JMJD1C: variants seen among roughly 807,000 people sequenced by gnomAD.
JMJD1C encodes jumonji domain-containing protein 1C.
Under a neutral mutation model 245.3 loss-of-function variants are expected in JMJD1C, and 31 were observed. That is an observed-to-expected ratio of 0.13 (90% CI 0.09 to 0.17). The LOEUF (loss-of-function observed/expected upper bound fraction) is 0.17. Ranked by LOEUF, JMJD1C falls within the 10% of genes least tolerant of loss-of-function variation. The pLI is 1.00. For missense variants in JMJD1C, 2,691 were observed against 3,000.2 expected (o/e 0.90, Z 2.41); for synonymous variants, 1,057 against 1,017.4 (o/e 1.04, Z -0.74).
At chr10:63,459,642 T>A (rs1033186224) in intron 1 of JMJD1C, among the ~76,000 whole-genome samples, 12 of 152,178 alleles carry the variant, frequency 7.9e-5, no homozygotes, top group African/African-American at 2.9e-4. Context: ...TCATCAGAGT[T>A]ATACAAAAAT....
chr10:63,356,305 G>A (rs1439433725), intron 2 of JMJD1C, among the ~76,000 whole-genome samples: 1 of 152,072 alleles, frequency 6.6e-6, no homozygotes, highest in Non-Finnish European at 1.5e-5. Context: ...ACTAAAAAGT[G>A]GGAGATACAG....
chr10:63,427,872 G>A (rs1390321394), intron 1 of JMJD1C: 2 of 812,902 alleles, frequency 2.5e-6, no homozygotes. Flanking sequence ...CAAAGGAGAT[G>A]GCACTGGCAG....
At chr10:63,462,222 G>A (rs151264129) in intron 1 of JMJD1C, among the ~76,000 whole-genome samples, 1,879 of 152,152 alleles carry the variant, frequency 0.012, 14 homozygotes, top group Non-Finnish European at 0.017. Flanking sequence ...AGGTTCTCAC[G>A]CCATATTTTT....
intron 3 of JMJD1C, among the ~76,000 whole-genome samples, chr10:63,242,274 T>C (rs1255324137): frequency 6.6e-6 from 1 of 152,220 alleles, no homozygotes; most frequent in Non-Finnish European, 1.5e-5. Flanking sequence ...AAATGGTATA[T>C]ACATGCACTG....
At chr10:63,414,357 CTTTT>C (rs1021737714) in intron 1 of JMJD1C, among the ~76,000 whole-genome samples, 1 of 151,968 alleles carries the variant, frequency 6.6e-6, no homozygotes, top group African/African-American at 2.4e-5. Flanking sequence ...AACAGTTTCT[CTTTT>C]TTTAACCTTA....
intron 20 of JMJD1C, among the ~76,000 whole-genome samples, chr10:63,185,280 G>A (rs780581237): frequency 3.9e-5 from 6 of 152,166 alleles, no homozygotes; most frequent in Non-Finnish European, 8.8e-5. Flanking sequence ...ACAGATGCCT[G>A]CCACCATGCT....
At position 63,238,187 on chromosome 10, in the gene JMJD1C, A is replaced by C. The variant is rs12782831; in HGVS notation, c.448-18204T>G. Reference sequence around the variant, plus strand: ...CAGTGTGAGACTCCATCTCAAAAAAAAAAAAAAAGAAAAAAAGGAAGGAAG... The same window carrying C: ...CAGTGTGAGACTCCATCTCAAAAAACAAAAAAAAGAAAAAAAGGAAGGAAG... On this transcript the variant is annotated intron_variant, in intron 3 of 25. Transcript: ENST00000399262. Among the ~76,000 whole-genome samples the C allele has an allele frequency of 1.8e-5, 2 of 112,402 alleles. 1 individual carries two copies. The highest frequency in any genetic ancestry group is 6.0e-4 in the South Asian group (2 of 3,354). 73.7% of individuals were successfully genotyped at this position (112,402 alleles called of 152,430 possible).
chr10:63,461,904 T>C lies in JMJD1C; in HGVS notation c.168+3591A>G, dbSNP rs563564986. 1.8e-3 allele frequency among the ~76,000 whole-genome samples: 278 copies of C among 152,314 alleles called. 1 individual carries two copies. The highest frequency in any genetic ancestry group is 3.6e-3 in the Non-Finnish European group (243 of 67,990). The stretch of plus-strand genomic sequence containing the variant: ...GTTAAACAAGAGGAGAGTAAATTGA[T>C]GTCTGCTATTTAATTAATATTACAA... On this transcript the variant is annotated intron_variant, in intron 1 of 25. Transcript: ENST00000399262.
At chr10:63,410,172 T>C (rs1359260237) in intron 1 of JMJD1C, among the ~76,000 whole-genome samples, 1 of 152,142 alleles carries the variant, frequency 6.6e-6, no homozygotes, top group Non-Finnish European at 1.5e-5. Context: ...TAAAATATTG[T>C]AACCATTTAT....
intron 2 of JMJD1C, among the ~76,000 whole-genome samples, chr10:63,367,540 C>T (rs191887430): frequency 2.0e-5 from 3 of 152,010 alleles, no homozygotes; most frequent in Non-Finnish European, 2.9e-5. Context: ...GCTACTGTAC[C>T]CGGCAATTCA....
intron 2 of JMJD1C, among the ~76,000 whole-genome samples, chr10:63,378,679 T>C (rs1490900092): frequency 1.3e-5 from 2 of 152,220 alleles, no homozygotes; most frequent in Non-Finnish European, 1.5e-5. Context: ...TTATTGATGC[T>C]ACTGCTTCGT....
At chr10:63,176,657 AAAC>A (rs1408562684) in intron 23 of JMJD1C, 184 bp from the exon 24 acceptor site, 1 of 581,748 alleles carries the variant, frequency 1.7e-6, no homozygotes, top group Non-Finnish European at 3.0e-6. Flanking sequence ...AAGAATATTA[AAAC>A]AATACAGCAA....
intron 1 of JMJD1C, among the ~76,000 whole-genome samples, chr10:63,419,223 T>TTA (rs1564899744): frequency 6.7e-6 from 1 of 148,272 alleles, no homozygotes; most frequent in East Asian, 2.0e-4. Flanking sequence ...TCATCTCTAC[T>TTA]AAAAAATACA....
chr10:63,430,636 TG>T (rs1265236336), intron 1 of JMJD1C, among the ~76,000 whole-genome samples: 1 of 152,174 alleles, frequency 6.6e-6, no homozygotes, highest in Non-Finnish European at 1.5e-5. Context: ...GAGTTTCTTT[TG>T]GGGGTATACT....
At chr10:63,369,787 G>GA (rs1314502288) in intron 2 of JMJD1C, among the ~76,000 whole-genome samples, 1 of 152,190 alleles carries the variant, frequency 6.6e-6, no homozygotes, top group African/African-American at 2.4e-5. Context: ...CTTGGCAACT[G>GA]AGAGATGATC....
chr10:63,218,505 T>C (rs1054755937), intron 4 of JMJD1C, among the ~76,000 whole-genome samples: 1 of 152,060 alleles, frequency 6.6e-6, no homozygotes, highest in Admixed American at 6.5e-5. Flanking sequence ...CTCCATATTA[T>C]TTTTTCTAAA....
intron 1 of JMJD1C, among the ~76,000 whole-genome samples, chr10:63,382,069 G>A (rs1031512911): frequency 6.6e-6 from 1 of 151,986 alleles, no homozygotes; most frequent in African/African-American, 2.4e-5. Context: ...AAATTAGCTG[G>A]GTGTGGTGGC....
chr10:63,193,309 CAGATTTTATTTGAATAACCAG>C lies in JMJD1C; in HGVS notation c.5862+15_5862+35del, dbSNP rs1564581288. ...ATATCAAAGTTGACTAATTTAACCACAGATTTTATTTGAATAACCAGAGATTTTTACTCACTTGAGATACAC... is the reference window on the plus strand; with the variant it reads ...ATATCAAAGTTGACTAATTTAACCACAGATTTTTACTCACTTGAGATACAC... On this transcript the variant is annotated intron_variant, in intron 15 of 25. Coordinates refer to ENST00000399262, the MANE Select transcript of JMJD1C (RefSeq NM_032776.3). 1.3e-6 allele frequency: 2 copies of C among 1,555,360 alleles called. No homozygotes were observed.
chr10:63,428,084 C>G (rs1039674563), intron 1 of JMJD1C: 6 of 476,996 alleles, frequency 1.3e-5, no homozygotes, highest in African/African-American at 1.2e-4. Flanking sequence ...TATATTAAGA[C>G]AGCTGATCAA....
Sources: gnomAD v4.1 joint callset for allele counts (sites outside exome capture counted in the v4.1 genomes callset) on GRCh38, gnomAD v4.1.1 for gene constraint, MANE v1.5 for transcripts, NCBI Gene and HGNC (gene_info 2026-07-23, HGNC 2026-07-21) for gene names.